The following CEMIP variants were observed in gnomAD, a reference collection of about 807,000 sequenced individuals.
The protein encoded by CEMIP is cell migration-inducing and hyaluronan-binding protein.
Under a neutral mutation model 156.9 loss-of-function variants are expected in CEMIP, and 105 were observed. The observed-to-expected ratio is 0.67, with a 90% CI of 0.57 to 0.79. The LOEUF (loss-of-function observed/expected upper bound fraction) is 0.79, where lower values mean the gene tolerates loss of function less well. Among genes scored for constraint, CEMIP ranks in the 30% least tolerant of loss-of-function variants. The pLI is 0.00. For missense variants in CEMIP, 1,457 were observed against 1,769.4 expected, an observed-to-expected ratio of 0.82 and a Z score of 3.17; for synonymous variants, 676 against 668.4, an observed-to-expected ratio of 1.01 and a Z score of -0.17.
intron 14 of CEMIP, chr15:80,909,679 C>G (rs1899969443): frequency 2.2e-6 from 1 of 458,404 alleles, no homozygotes; most frequent in African/African-American, 2.0e-5. Flanking sequence ...TGGTATCTAC[C>G]CAACAGATTT....
intron 1 of CEMIP, among the ~76,000 whole-genome samples, chr15:80,833,565 G>A (rs913734770): frequency 6.6e-6 from 1 of 152,130 alleles, no homozygotes. Flanking sequence ...TATCAGAGAT[G>A]CAGTTTGGAG....
At chr15:80,809,893 C>A (rs1000228816) in intron 1 of CEMIP, among the ~76,000 whole-genome samples, 9 of 152,180 alleles carry the variant, frequency 5.9e-5, no homozygotes, top group Admixed American at 3.9e-4. Context: ...TATCTAGGTT[C>A]TCTTTCTGCA....
At chr15:80,834,365 A>T (rs576824412) in intron 1 of CEMIP, among the ~76,000 whole-genome samples, 1 of 152,252 alleles carries the variant, frequency 6.6e-6, no homozygotes, top group African/African-American at 2.4e-5. Flanking sequence ...TTTCTGTTTT[A>T]CACATCTTTG....
intron 1 of CEMIP, among the ~76,000 whole-genome samples, chr15:80,783,234 G>A (rs1334997868): frequency 6.6e-6 from 1 of 152,248 alleles, no homozygotes; most frequent in Non-Finnish European, 1.5e-5. Context: ...TGCATTTGCA[G>A]TTATAGCTCA....
chr15:80,851,237 G>A (rs1426423483), intron 1 of CEMIP, among the ~76,000 whole-genome samples: 1 of 152,190 alleles, frequency 6.6e-6, no homozygotes. Flanking sequence ...GCAGGGCCAG[G>A]GAGCAAACAA....
rs988086106 is a variant in CEMIP, at chr15:80,906,174, T to C, written c.1412-489T>C. Among the ~76,000 whole-genome samples, 3 of 152,186 alleles carry C rather than the reference T, an allele frequency of 2.0e-5. No homozygotes were observed. The highest frequency in any genetic ancestry group is 4.8e-5 in the African/African-American group (2 of 41,440). On this transcript the variant is annotated intron_variant, in intron 12 of 29. Coordinates refer to ENST00000394685, the MANE Select transcript of CEMIP (RefSeq NM_001293298.2). This position sits in a 1 kb window ranked among gnomAD's most constrained non-coding sequence, Gnocchi z 4.3. Reference sequence around the variant, plus strand: ...TCTACGGTATCATCCAGAGACCAGGTTTCTTCTCTCCCGTTGCTCTGCCAT... The same window carrying C: ...TCTACGGTATCATCCAGAGACCAGGCTTCTTCTCTCCCGTTGCTCTGCCAT...
At position 80,881,029 on chromosome 15, in the gene CEMIP, A is replaced by G. The variant is rs1236877433; in HGVS notation, c.510A>G (p.Pro170=). Residue 170 remains proline, a synonymous_variant, in exon 6 of 30, where the codon CCA becomes CCG. Coordinates refer to ENST00000394685, the MANE Select transcript of CEMIP (RefSeq NM_001293298.2). ...CATTTCTGAACAAGACCCTTCACCCAGGTGGCATGGCAGAAGGAGGCTATT... is the reference window on the plus strand; with the variant it reads ...CATTTCTGAACAAGACCCTTCACCCGGGTGGCATGGCAGAAGGAGGCTATT... ...SWTFLNKTLH[P]GGMAEGGYFF... is the part of the protein sequence containing the mutation. 6 of 1,614,116 alleles carry G rather than the reference A, an allele frequency of 3.7e-6. No homozygotes were observed. The African/African-American group carries it at 6.7e-5, about 18-fold the overall frequency.
At chr15:80,834,586 A>G (rs1897229543) in intron 1 of CEMIP, among the ~76,000 whole-genome samples, 1 of 152,240 alleles carries the variant, frequency 6.6e-6, no homozygotes, top group Non-Finnish European at 1.5e-5. Flanking sequence ...TCAAATGTCT[A>G]TAATCCGTGT....
chr15:80,799,407 A>G (rs1174591603), intron 1 of CEMIP, among the ~76,000 whole-genome samples: 1 of 152,042 alleles, frequency 6.6e-6, no homozygotes, highest in Admixed American at 6.6e-5. Flanking sequence ...CCACACTGGG[A>G]CTCCCACTTG....
At chr15:80,804,718 G>T (rs1330522675) in intron 1 of CEMIP, among the ~76,000 whole-genome samples, 1 of 152,166 alleles carries the variant, frequency 6.6e-6, no homozygotes, top group African/African-American at 2.4e-5. Flanking sequence ...AAACCTCTGG[G>T]AAAGTCTGTA....
chr15:80,853,883 G>A (rs919175640), intron 1 of CEMIP, among the ~76,000 whole-genome samples: 15 of 152,254 alleles, frequency 9.9e-5, no homozygotes, highest in African/African-American at 3.6e-4. Flanking sequence ...GAGTTGAATT[G>A]AGACCTTGCT....
chr15:80,823,934 A>C (rs1159258221), intron 1 of CEMIP, among the ~76,000 whole-genome samples: 2 of 152,174 alleles, frequency 1.3e-5, no homozygotes, highest in Admixed American at 1.3e-4. Flanking sequence ...CACACCTGTT[A>C]AGTGGTAAAG....
intron 1 of CEMIP, among the ~76,000 whole-genome samples, chr15:80,840,432 T>C (rs983527219): frequency 3.9e-5 from 6 of 152,062 alleles, no homozygotes; most frequent in Non-Finnish European, 4.4e-5. Flanking sequence ...GGTAATGCCT[T>C]TCTCCTTGGC....
Position 80,785,867 on chromosome 15 carries a change from A to G in CEMIP, c.-176+6253A>G, listed in dbSNP as rs778262886. 9.9e-4 allele frequency among the ~76,000 whole-genome samples: 151 copies of G among 152,192 alleles called. 1 individual carries two copies. Among genetic ancestry groups the G allele is most frequent in the Non-Finnish European group, 1.8e-3 (120 of 68,034 alleles). Reference sequence around the variant, plus strand: ...AAGCTCCCTTACTTGCATCATGTGCATAAGCTCCCTTACCTGCCCAGGCTT... The same window carrying G: ...AAGCTCCCTTACTTGCATCATGTGCGTAAGCTCCCTTACCTGCCCAGGCTT... On this transcript the variant is annotated intron_variant, in intron 1 of 29. Coordinates refer to ENST00000394685, the MANE Select transcript of CEMIP (RefSeq NM_001293298.2).
chr15:80,938,952 T>C (rs762101262), intron 25 of CEMIP, among the ~76,000 whole-genome samples: 2 of 152,206 alleles, frequency 1.3e-5, no homozygotes, highest in Admixed American at 6.5e-5. Flanking sequence ...ACAGATGATC[T>C]ATCTTATTTA....
intron 6 of CEMIP, among the ~76,000 whole-genome samples, chr15:80,881,976 G>A (rs1323980389): frequency 6.6e-6 from 1 of 152,202 alleles, no homozygotes; most frequent in Non-Finnish European, 1.5e-5. Flanking sequence ...CTGCCCTGCA[G>A]TCCCAGGAGC....
In CEMIP at chr15:80,889,543, T is replaced by C; in HGVS notation, c.1037T>C (p.Leu346Pro). The C allele has an allele frequency of 1.2e-6, 2 of 1,614,146 alleles. No homozygotes were observed. Among genetic ancestry groups the C allele is most frequent in the Middle Eastern group, 1.6e-4 (1 of 6,062 alleles). Residue 346 changes from leucine (L) to proline (P), a missense_variant, in exon 10 of 30, where the codon CTC becomes CCC. By Grantham distance (98) the Leu-to-Pro change is moderately conservative. Coordinates refer to ENST00000394685, the MANE Select transcript of CEMIP (RefSeq NM_001293298.2). Reference sequence around the variant, plus strand: ...AAAGGTGGGGAGAAAATTTCAGACCTCTGGAAAGCTCACCCAGGAAAAATA... The same window carrying C: ...AAAGGTGGGGAGAAAATTTCAGACCCCTGGAAAGCTCACCCAGGAAAAATA... ...QTKGGEKISD[L>P]WKAHPGKICN... is the part of the protein sequence containing the mutation.
chr15:80,813,187 A>G (rs960869685), intron 1 of CEMIP, among the ~76,000 whole-genome samples: 1 of 152,142 alleles, frequency 6.6e-6, no homozygotes, highest in Non-Finnish European at 1.5e-5. Flanking sequence ...CTGGGTTGAT[A>G]AAATGGGAGC....
chr15:80,858,980 G>A (rs961830296), intron 1 of CEMIP, among the ~76,000 whole-genome samples: 1 of 152,194 alleles, frequency 6.6e-6, no homozygotes, highest in African/African-American at 2.4e-5. Context: ...CACTCTTAGA[G>A]AGGCTCTCTC....
Sources: allele counts gnomAD v4.1 joint callset (sites outside exome capture counted in the v4.1 genomes callset), GRCh38; gene constraint gnomAD v4.1.1; non-coding constraint Gnocchi (gnomAD v3.1); transcripts MANE v1.5; gene names NCBI Gene and HGNC (gene_info 2026-07-23, HGNC 2026-07-21).